Variants in ULK4 observed in about 807,000 individuals in gnomAD.
ULK4 encodes the protein inactive serine/threonine-protein kinase ULK4.
ULK4 carries 133 observed loss-of-function variants against 160.6 expected under a neutral mutation model. The ratio of observed to expected loss-of-function variants is 0.83; its 90% confidence interval spans 0.72 to 0.96. The LOEUF is 0.96. Among genes scored for constraint, ULK4 ranks in the 40% least tolerant of loss-of-function variants. ULK4 has a pLI of 0.00. For missense variants in ULK4, 1,580 were observed against 1,499.5 expected (o/e 1.05, Z -0.89); for synonymous variants, 534 against 539.8 (o/e 0.99, Z 0.15).
Position 41,717,773 on chromosome 3 carries a change from C to G in ULK4, c.2410G>C (p.Asp804His), listed in dbSNP as rs2037322086. The change falls in exon 23 of 37, where the codon GAT (aspartate) becomes CAT (histidine). Residue 804 changes from aspartate to histidine, a missense_variant. Transcript: ENST00000301831. The stretch of plus-strand genomic sequence containing the variant: ...TGCACAATGTGACAGATGAGAAGAT[C>G]CAGGCATTTGGACAGGTATTCATTG... ...SGNEYLSKCL[D>H]LLICHIVQEL... is the part of the protein sequence containing the mutation. 2 of 1,613,954 alleles carry G rather than the reference C, an allele frequency of 1.2e-6. No homozygotes were observed. Among genetic ancestry groups the G allele is most frequent in the African/African-American group, 2.7e-5 (2 of 74,916 alleles).
intron 22 of ULK4, among the ~76,000 whole-genome samples, chr3:41,722,399 CGGGT>C (rs982990591): frequency 8.5e-5 from 13 of 152,230 alleles, no homozygotes; most frequent in South Asian, 4.2e-4. Context: ...GAGGCCATGG[CGGGT>C]GGATCACCTG....
chr3:41,406,219 T>C (rs1177382183), intron 34 of ULK4, among the ~76,000 whole-genome samples: 1 of 152,240 alleles, frequency 6.6e-6, no homozygotes, highest in East Asian at 1.9e-4. Context: ...ATTTACTAAA[T>C]AGGCAGTCCT....
intron 32 of ULK4, among the ~76,000 whole-genome samples, chr3:41,550,388 C>A (rs530914717): frequency 6.6e-6 from 1 of 151,326 alleles, no homozygotes; most frequent in South Asian, 2.1e-4. Context: ...TTGCTGCCTA[C>A]AAGAAATATA....
chr3:41,603,814 G>C (rs189292611), intron 31 of ULK4, among the ~76,000 whole-genome samples: 1 of 152,110 alleles, frequency 6.6e-6, no homozygotes, highest in East Asian at 1.9e-4. Context: ...TTAAGAAAGC[G>C]TTAACAGATA....
chr3:41,871,215 T>C (rs888504988), intron 17 of ULK4, among the ~76,000 whole-genome samples: 3 of 152,164 alleles, frequency 2.0e-5, no homozygotes, highest in African/African-American at 7.2e-5. Context: ...ATTTCAAGAA[T>C]GGTATATTAA....
At chr3:41,829,281 C>A (rs550130156) in intron 18 of ULK4, among the ~76,000 whole-genome samples, 2,821 of 146,290 alleles carry the variant, frequency 0.019, 161 homozygotes, top group Admixed American at 0.11. Flanking sequence ...GCAACAAAAG[C>A]CAAAATTGAC....
chr3:41,409,808 G>C (rs1036280126), intron 34 of ULK4, among the ~76,000 whole-genome samples: 9 of 152,006 alleles, frequency 5.9e-5, no homozygotes, highest in Admixed American at 5.9e-4. Context: ...AATTAGCCAG[G>C]CATGGTGGTG....
chr3:41,939,794 G>A (rs1699893415), intron 2 of ULK4, among the ~76,000 whole-genome samples: 1 of 152,074 alleles, frequency 6.6e-6, no homozygotes, highest in Non-Finnish European at 1.5e-5. Context: ...TACCGCTTGA[G>A]CTCGCCTCCT....
intron 22 of ULK4, among the ~76,000 whole-genome samples, chr3:41,729,876 C>T (rs113523453): frequency 3.9e-5 from 6 of 152,330 alleles, no homozygotes; most frequent in African/African-American, 1.2e-4. Flanking sequence ...ACTACTGCAC[C>T]TACTCAACAC....
At chr3:41,906,850 G>T (rs965222466) in intron 12 of ULK4, among the ~76,000 whole-genome samples, 1 of 152,088 alleles carries the variant, frequency 6.6e-6, no homozygotes, top group African/African-American at 2.4e-5. Flanking sequence ...AAAATTAGCT[G>T]GACATGGTGA....
intron 31 of ULK4, among the ~76,000 whole-genome samples, chr3:41,613,668 G>A (rs2032818963): frequency 1.3e-5 from 2 of 152,202 alleles, no homozygotes; most frequent in African/African-American, 4.8e-5. Flanking sequence ...ACAGAAAAAA[G>A]TTGAGATTAT....
intron 19 of ULK4, among the ~76,000 whole-genome samples, chr3:41,818,228 T>C (rs2041031634): frequency 6.6e-6 from 1 of 152,084 alleles, no homozygotes; most frequent in South Asian, 2.1e-4. Context: ...ACAACTGCAC[T>C]CCTGTATTCC....
intron 22 of ULK4, among the ~76,000 whole-genome samples, chr3:41,721,971 G>A (rs1184914623): frequency 6.6e-6 from 1 of 152,096 alleles, no homozygotes; most frequent in African/African-American, 2.4e-5. Context: ...TGACAATATT[G>A]AAACAAAGAT....
At chr3:41,290,504 G>C (rs1361646936) in intron 35 of ULK4, among the ~76,000 whole-genome samples, 1 of 152,124 alleles carries the variant, frequency 6.6e-6, no homozygotes, top group Non-Finnish European at 1.5e-5. Context: ...TTCTCTACTA[G>C]GCTTGCATCA....
chr3:41,801,171 T>G (rs2040448444), intron 19 of ULK4, among the ~76,000 whole-genome samples: 1 of 151,796 alleles, frequency 6.6e-6, no homozygotes, highest in African/African-American at 2.4e-5. Context: ...AAATCAAAAT[T>G]CTAGAGATAA....
chr3:41,321,944 C>T (rs2080256000), intron 35 of ULK4, among the ~76,000 whole-genome samples: 1 of 144,952 alleles, frequency 6.9e-6, no homozygotes, highest in Admixed American at 7.0e-5. Context: ...AGTCAAACCA[C>T]ACACTTGAAT....
intron 31 of ULK4, among the ~76,000 whole-genome samples, chr3:41,571,984 A>G (rs1002989286): frequency 6.6e-6 from 1 of 152,180 alleles, no homozygotes; most frequent in Non-Finnish European, 1.5e-5. Context: ...CAGCACTGAT[A>G]ACGTATTGAG....
chr3:41,740,451 T>C (rs1229577032), intron 22 of ULK4, among the ~76,000 whole-genome samples: 1 of 151,888 alleles, frequency 6.6e-6, no homozygotes, highest in Admixed American at 6.6e-5. Flanking sequence ...GAGAGATGCA[T>C]AGGCCTTATT....
chr3:41,798,680 T>A (rs965006625), intron 20 of ULK4, among the ~76,000 whole-genome samples: 2 of 151,928 alleles, frequency 1.3e-5, no homozygotes, highest in Admixed American at 6.6e-5. Context: ...GCAACAGTTA[T>A]GTGGCAATAA....
Sources: allele counts gnomAD v4.1 joint callset (sites outside exome capture counted in the v4.1 genomes callset), GRCh38; gene constraint gnomAD v4.1.1; transcripts MANE v1.5; gene names NCBI Gene and HGNC (gene_info 2026-07-23, HGNC 2026-07-21).